ZFX: variants seen among roughly 807,000 people sequenced by gnomAD.
ZFX encodes the protein zinc finger X-chromosomal protein.
For synonymous variants in ZFX, 196 were observed against 226.8 expected (o/e 0.86, Z 1.22); for missense variants, 362 against 628.3 (o/e 0.58, Z 4.53).
At chrX:24,188,984 C>T (rs1290182823) in intron 5 of ZFX, among the ~76,000 whole-genome samples, 1 of 111,065 alleles carries the variant, frequency 9.0e-6, no homozygotes, top group Non-Finnish European at 1.9e-5. Flanking sequence ...ACTACAAGTG[C>T]GTGCCACCAC....
At position 24,188,172 on chromosome X, in the gene ZFX, T is replaced by G. The variant is rs989732963; in HGVS notation, c.646+8402T>G. ...CTGCACGCTGGTGACAGAGTGAGAC[T>G]GTCTCAAAAAAAAAAAAAATTTTTT... On this transcript the variant is annotated intron_variant, in intron 5 of 9. Transcript: ENST00000304543. 8.6e-5 allele frequency among the ~76,000 whole-genome samples: 9 copies of G among 105,146 alleles called. 1 individual carries two copies. The highest frequency in any genetic ancestry group is 6.2e-4 in the Admixed American group (6 of 9,608). 91.3% of individuals were successfully genotyped at this position (105,146 alleles called of 115,157 possible). A position where few individuals can be genotyped will look rare whatever the true frequency, so the allele number is the denominator to read the frequency against.
intron 3 of ZFX, among the ~76,000 whole-genome samples, chrX:24,160,507 C>G (rs2147305141): frequency 9.1e-6 from 1 of 110,334 alleles, no homozygotes; most frequent in African/African-American, 3.3e-5. Flanking sequence ...CCATGTTAGC[C>G]AGGCTGGTTT....
intron 3 of ZFX, among the ~76,000 whole-genome samples, chrX:24,154,706 C>T (rs1233327583): frequency 9.0e-6 from 1 of 111,488 alleles, no homozygotes; most frequent in African/African-American, 3.3e-5. Context: ...TCTATTAAGC[C>T]AGACATGAAA....
At chrX:24,200,777 T>C (rs892861872) in intron 5 of ZFX, among the ~76,000 whole-genome samples, 5 of 111,944 alleles carry the variant, frequency 4.5e-5, no homozygotes, top group Non-Finnish European at 9.4e-5. Flanking sequence ...CTTCCACCTC[T>C]CACTTAGTAG....
At chrX:24,171,903 AAG>A (rs1491007625) in intron 3 of ZFX, among the ~76,000 whole-genome samples, 4 of 59,560 alleles carry the variant, frequency 6.7e-5, no homozygotes, top group African/African-American at 3.5e-4. Flanking sequence ...ACAGAGAGAG[AAG>A]GAGAGAGAGA....
At chrX:24,155,784 T>C (rs1231822968) in intron 3 of ZFX, among the ~76,000 whole-genome samples, 1 of 113,001 alleles carries the variant, frequency 8.8e-6, no homozygotes, top group East Asian at 2.7e-4. Context: ...TTGACCTTTT[T>C]TCCCCATGTA....
At chrX:24,192,095 G>A (rs1002022076) in intron 5 of ZFX, among the ~76,000 whole-genome samples, 5 of 111,674 alleles carry the variant, frequency 4.5e-5, no homozygotes, top group Non-Finnish European at 7.5e-5. Context: ...TGGATTTTGG[G>A]GTTAGAGGTT....
rs1246718122 is a variant in ZFX at position 24,181,419 on chromosome X, G to A, written c.646+1649G>A. 6.3e-5 allele frequency among the ~76,000 whole-genome samples: 7 copies of A among 111,821 alleles called. No homozygotes were observed. In the East Asian group the frequency reaches 1.7e-3, roughly 27 times the overall value. ...TGTGACTAAACTGCCATGGAGATGG[G>A]ATGGAGTAGCTGACCTTTGAAATCA... On this transcript the variant is annotated intron_variant, in intron 5 of 9. Coordinates refer to ENST00000304543, the MANE Select transcript of ZFX (RefSeq NM_003410.4).
At chrX:24,181,299 C>T (rs1189298273) in intron 5 of ZFX, among the ~76,000 whole-genome samples, 1 of 111,989 alleles carries the variant, frequency 8.9e-6, no homozygotes, top group Non-Finnish European at 1.9e-5. Context: ...AGCGTAGATA[C>T]AGATATGTGC....
At chrX:24,190,380 T>G (rs956320748) in intron 5 of ZFX, among the ~76,000 whole-genome samples, 2 of 112,199 alleles carry the variant, frequency 1.8e-5, no homozygotes, top group African/African-American at 6.5e-5. Flanking sequence ...AAACTGAAAT[T>G]TATTTAGAAA....
At chrX:24,176,430 A>T (rs865937183) in intron 4 of ZFX, among the ~76,000 whole-genome samples, 13 of 66,782 alleles carry the variant, frequency 1.9e-4, no homozygotes, top group Admixed American at 6.2e-4. Flanking sequence ...TTGGCCTTTG[A>T]TTTTTTTTTT....
intron 5 of ZFX, among the ~76,000 whole-genome samples, chrX:24,194,282 C>G (rs374522875): frequency 9.0e-6 from 1 of 111,634 alleles, no homozygotes; most frequent in African/African-American, 3.3e-5. Context: ...CTTCTCCCCC[C>G]CACCAAAGCA....
In ZFX at chrX:24,207,330, T is replaced by C; in HGVS notation, c.651T>C (p.Asp217=). ...NCEDYLMISL[D]DAGKIEHDGS... The stretch of plus-strand genomic sequence containing the variant: ...ATTTATTTCCTTCCTTTTTAGTGGA[T>C]GATGCTGGCAAAATAGAACACGATG... The change falls in exon 6 of 10, where the codon GAT becomes GAC. Residue 217 remains aspartate (D), a synonymous_variant. Transcript: ENST00000304543. 2 of 1,207,708 alleles carry C rather than the reference T, an allele frequency of 1.7e-6. No individual in the cohort carries two copies. The highest frequency in any genetic ancestry group is 2.2e-6 in the Non-Finnish European group (2 of 893,755).
At chrX:24,173,380 T>A (rs151104033) in intron 4 of ZFX, among the ~76,000 whole-genome samples, 5 of 111,239 alleles carry the variant, frequency 4.5e-5, no homozygotes, top group African/African-American at 1.6e-4. Context: ...ATTGACCCTG[T>A]CCTATTTTTA....
At position 24,167,847 on chromosome X, in the gene ZFX, C is replaced by T. The variant is rs779264410; in HGVS notation, c.-28-4868C>T. ...AGGAAAGTATAGAAACAACAAGAAACTTTCCTAAGTTCAAGAAGGGCTTAA... is the reference window on the plus strand; with the variant it reads ...AGGAAAGTATAGAAACAACAAGAAATTTTCCTAAGTTCAAGAAGGGCTTAA... On this transcript the variant is annotated intron_variant, in intron 3 of 9. Coordinates refer to ENST00000304543, the MANE Select transcript of ZFX (RefSeq NM_003410.4). Among the ~76,000 whole-genome samples the T allele has an allele frequency of 4.5e-5, 5 of 111,985 alleles. No homozygotes were observed. In the South Asian group the frequency reaches 1.5e-3, roughly 33 times the overall value.
chrX:24,166,991 C>T (rs1009007825), intron 3 of ZFX, among the ~76,000 whole-genome samples: 1 of 111,989 alleles, frequency 8.9e-6, no homozygotes, highest in African/African-American at 3.2e-5. Context: ...GCCATGAGTA[C>T]AGCCAGATAA....
intron 3 of ZFX, among the ~76,000 whole-genome samples, chrX:24,155,261 C>T (rs760424414): frequency 1.8e-5 from 2 of 112,105 alleles, no homozygotes; most frequent in Non-Finnish European, 3.8e-5. Context: ...ATACGACCCA[C>T]GTAAAAACTC....
chrX:24,180,496 C>T (rs1485991748), intron 5 of ZFX, among the ~76,000 whole-genome samples: 2 of 109,503 alleles, frequency 1.8e-5, no homozygotes, highest in Non-Finnish European at 3.8e-5. Context: ...ATTCTCGTGC[C>T]TCAGCCTCCC....
In ZFX at chrX:24,163,623, C is replaced by T. The variant is rs187784233; in HGVS notation, c.-28-9092C>T. On this transcript the variant is annotated intron_variant, in intron 3 of 9. Transcript: ENST00000304543. Reference sequence around the variant, plus strand: ...GAACTCCTGACCTCAGGTGATCCACCCACCTCAGCCTTCCAAAGTGCTGGG... The same window carrying T: ...GAACTCCTGACCTCAGGTGATCCACTCACCTCAGCCTTCCAAAGTGCTGGG... Among the ~76,000 whole-genome samples the T allele has an allele frequency of 4.5e-3, 476 of 106,044 alleles. 3 individuals are homozygous for T. The highest frequency in any genetic ancestry group is 0.015 in the African/African-American group (425 of 29,119). The allele number at this position is 106,044 out of a possible 115,157, so 92.1% of individuals were successfully genotyped here. A position where few individuals can be genotyped will look rare whatever the true frequency, so the allele number is the denominator to read the frequency against.
Sources: gnomAD v4.1 joint callset for allele counts (sites outside exome capture counted in the v4.1 genomes callset) on GRCh38, gnomAD v4.1.1 for gene constraint, MANE v1.5 for transcripts, NCBI Gene and HGNC (gene_info 2026-07-23, HGNC 2026-07-21) for gene names.